ZNF827: variants seen among roughly 807,000 people sequenced by gnomAD.
ZNF827 encodes zinc finger protein 827.
Under a neutral mutation model 102.4 loss-of-function variants are expected in ZNF827, and 13 were observed. The observed-to-expected ratio is 0.13, with a 90% CI of 0.08 to 0.20. The LOEUF is 0.20. Among genes scored for constraint, ZNF827 ranks in the 10% least tolerant of loss-of-function variants. The pLI, the probability that ZNF827 is intolerant of heterozygous loss-of-function variation, is 1.00. For missense variants in ZNF827, 1,103 were observed against 1,344.4 expected (o/e 0.82, Z 2.81); for synonymous variants, 523 against 536.2 (o/e 0.98, Z 0.34).
At chr4:145,786,089 A>G (rs1439824449) in intron 8 of ZNF827, among the ~76,000 whole-genome samples, 1 of 152,238 alleles carries the variant, frequency 6.6e-6, no homozygotes, top group African/African-American at 2.4e-5. Context: ...TGAACCTTTC[A>G]TTGCCATTTG....
intron 8 of ZNF827, among the ~76,000 whole-genome samples, chr4:145,782,252 C>G (rs1361495619): frequency 6.6e-6 from 1 of 152,180 alleles, no homozygotes; most frequent in South Asian, 2.1e-4. Flanking sequence ...AACATGACCT[C>G]GAAATCACGG....
At chr4:145,810,121 G>C (rs1182315848) in intron 8 of ZNF827, among the ~76,000 whole-genome samples, 1 of 152,142 alleles carries the variant, frequency 6.6e-6, no homozygotes, top group East Asian at 1.9e-4. Context: ...AACATTTCTA[G>C]ATTTATTCTT....
At chr4:145,828,064 C>T (rs1180801221) in intron 7 of ZNF827, among the ~76,000 whole-genome samples, 1 of 152,124 alleles carries the variant, frequency 6.6e-6, no homozygotes, top group Non-Finnish European at 1.5e-5. Context: ...AGGCAAGTTC[C>T]AGGAGGTACC....
intron 5 of ZNF827, among the ~76,000 whole-genome samples, chr4:145,858,639 C>T (rs1485430188): frequency 8.1e-6 from 1 of 123,640 alleles, no homozygotes; most frequent in Non-Finnish European, 1.7e-5. Flanking sequence ...GAGACCCTGT[C>T]TCAAAAAAAA....
intron 1 of ZNF827, among the ~76,000 whole-genome samples, chr4:145,915,845 A>G (rs1468837928): frequency 2.6e-5 from 4 of 152,184 alleles, no homozygotes; most frequent in Non-Finnish European, 4.4e-5. Context: ...CAAGTTATCC[A>G]CTTCCAAAAT....
chr4:145,872,563 G>A (rs968974129), intron 4 of ZNF827, among the ~76,000 whole-genome samples: 1 of 152,156 alleles, frequency 6.6e-6, no homozygotes, highest in Non-Finnish European at 1.5e-5. Context: ...CATGCTATAT[G>A]GTTTTTAAAA....
Position 145,902,773 on chromosome 4 carries a change from G to C in ZNF827, c.486C>G (p.His162Gln), listed in dbSNP as rs575173942. The C allele has an allele frequency of 1.2e-6, 2 of 1,614,000 alleles. No individual in the cohort carries two copies. The highest frequency in any genetic ancestry group is 1.3e-5 in the African/African-American group (1 of 74,898). The change falls in exon 2 of 15, where the codon CAC becomes CAG. Residue 162 changes from histidine (H) to glutamine (Q), a missense_variant. By Grantham distance (24) the His-to-Gln change is conservative. Coordinates refer to ENST00000508784, the MANE Select transcript of ZNF827 (RefSeq NM_001306215.2). This position sits in a 1 kb window ranked among gnomAD's most constrained non-coding sequence, Gnocchi z 4.3. Reference sequence around the variant, plus strand: ...TGGCCAGAACACTGAGCTGCTGGGCGTGGTGGGAAGGCGGGGAAAAGGAGA... The same window carrying C: ...TGGCCAGAACACTGAGCTGCTGGGCCTGGTGGGAAGGCGGGGAAAAGGAGA... Reference protein sequence around the residue: ...SNLSFSPPSHHAQQLSVLARK... With the variant: ...SNLSFSPPSHQAQQLSVLARK...
chr4:145,771,633 C>T (rs1038174676), intron 11 of ZNF827, among the ~76,000 whole-genome samples: 2 of 152,126 alleles, frequency 1.3e-5, no homozygotes, highest in African/African-American at 4.8e-5. Flanking sequence ...GATCACTAAG[C>T]GGAAATGCCT....
intron 8 of ZNF827, among the ~76,000 whole-genome samples, chr4:145,822,834 G>A (rs1743278107): frequency 6.6e-6 from 1 of 152,180 alleles, no homozygotes; most frequent in Admixed American, 6.5e-5. Flanking sequence ...TTCTACCCAG[G>A]AAAGGAGAAA....
intron 5 of ZNF827, among the ~76,000 whole-genome samples, chr4:145,852,843 C>G (rs1316795452): frequency 6.6e-6 from 1 of 152,200 alleles, no homozygotes; most frequent in Non-Finnish European, 1.5e-5. Flanking sequence ...ATATAGCACA[C>G]TGCAGTCTCA....
intron 8 of ZNF827, among the ~76,000 whole-genome samples, chr4:145,794,979 G>C (rs1740229336): frequency 6.6e-6 from 1 of 152,142 alleles, no homozygotes; most frequent in South Asian, 2.1e-4. Context: ...AAACTCTGCT[G>C]TCTAGCCAAG....
rs1286881599 is a variant in ZNF827 at position 145,762,020 on chromosome 4, A to G, written c.*18-422T>C. Among the ~76,000 whole-genome samples, 3 of 152,304 alleles carry G rather than the reference A, an allele frequency of 2.0e-5. No homozygotes were observed. The highest frequency in any genetic ancestry group is 6.8e-3 in the Middle Eastern group (2 of 294). On this transcript the variant is annotated intron_variant, in intron 14 of 14. Coordinates refer to ENST00000508784, the MANE Select transcript of ZNF827 (RefSeq NM_001306215.2). The surrounding 1 kb of genome is among the most constrained non-coding windows in gnomAD (Gnocchi z 4.9). The stretch of plus-strand genomic sequence containing the variant: ...CCTCTAGATGGGAGCAACACAAAGA[A>G]TCGACTTTTCATGCACCACACCAAG...
chr4:145,771,814 A>G (rs1736331706), intron 11 of ZNF827, among the ~76,000 whole-genome samples: 1 of 152,250 alleles, frequency 6.6e-6, no homozygotes, highest in South Asian at 2.1e-4. Context: ...CACTTAGGTA[A>G]CAAGATAGCG....
intron 4 of ZNF827, among the ~76,000 whole-genome samples, chr4:145,876,193 A>T (rs1375241142): frequency 6.6e-6 from 1 of 152,194 alleles, no homozygotes; most frequent in Non-Finnish European, 1.5e-5. Context: ...CTATAAACAT[A>T]CTTTAAATTA....
chr4:145,835,734 G>A (rs13111611), intron 7 of ZNF827, among the ~76,000 whole-genome samples: 28,256 of 83,284 alleles, frequency 0.34, 5,603 homozygotes, highest in East Asian at 0.69. Flanking sequence ...CTCAACGCCA[G>A]TATCCCATCC....
At position 145,773,203 on chromosome 4, in the gene ZNF827, C is replaced by T. The variant is rs565702416; in HGVS notation, c.2860+1303G>A. Among the ~76,000 whole-genome samples the T allele has an allele frequency of 7.1e-4, 108 of 152,334 alleles. 2 individuals carry two copies. The highest frequency in any genetic ancestry group is 2.5e-3 in the African/African-American group (103 of 41,586). Reference sequence around the variant, plus strand: ...TCCAGAAATGCTGAATTTAATTTGTCTTCAACATGGGTTTCCCAGCTCACC... The same window carrying T: ...TCCAGAAATGCTGAATTTAATTTGTTTTCAACATGGGTTTCCCAGCTCACC... On this transcript the variant is annotated intron_variant, in intron 11 of 14. Coordinates refer to ENST00000508784, the MANE Select transcript of ZNF827 (RefSeq NM_001306215.2).
chr4:145,764,901 A>G (rs755593929), intron 13 of ZNF827, 87 bp downstream of exon 13: 1 of 1,596,212 alleles, frequency 6.3e-7, no homozygotes, highest in Non-Finnish European at 8.6e-7. Context: ...ATGACTCCCA[A>G]AACCTTCACG....
intron 2 of ZNF827, among the ~76,000 whole-genome samples, chr4:145,892,715 G>A (rs563706742): frequency 2.0e-5 from 3 of 147,694 alleles, no homozygotes; most frequent in South Asian, 2.1e-4. Flanking sequence ...AAGGGGCTTC[G>A]CCCAGCCTGT....
intron 8 of ZNF827, among the ~76,000 whole-genome samples, chr4:145,794,200 C>T (rs1192951301): frequency 6.6e-6 from 1 of 152,130 alleles, no homozygotes; most frequent in Non-Finnish European, 1.5e-5. Context: ...AAGATTTTTG[C>T]ATTTAATACT....
Sources: allele counts gnomAD v4.1 joint callset (sites outside exome capture counted in the v4.1 genomes callset), GRCh38; gene constraint gnomAD v4.1.1; non-coding constraint Gnocchi (gnomAD v3.1); transcripts MANE v1.5; gene names NCBI Gene and HGNC (gene_info 2026-07-23, HGNC 2026-07-21).